STAT4: variants seen among roughly 807,000 people sequenced by gnomAD.
STAT4 encodes the protein signal transducer and activator of transcription 4.
A neutral mutation model predicts 110.5 loss-of-function variants in STAT4; 42 were observed. The observed-to-expected ratio is 0.38, with a 90% CI of 0.30 to 0.49. The LOEUF is 0.49. Among genes scored for constraint, STAT4 ranks in the 20% least tolerant of loss-of-function variants. The pLI is 0.95. For missense variants in STAT4, 632 were observed against 887.9 expected, an observed-to-expected ratio of 0.71 and a Z score of 3.66; for synonymous variants, 284 against 302.2, an observed-to-expected ratio of 0.94 and a Z score of 0.63.
intron 3 of STAT4, among the ~76,000 whole-genome samples, chr2:191,088,126 CAT>C (rs1358771550): frequency 6.6e-6 from 1 of 152,250 alleles, no homozygotes; most frequent in Non-Finnish European, 1.5e-5. Context: ...GAATTGTCCA[CAT>C]GTGTCCATAG....
At chr2:191,121,793 G>A (rs75472630) in intron 3 of STAT4, among the ~76,000 whole-genome samples, 1 of 130,878 alleles carries the variant, frequency 7.6e-6, no homozygotes, top group East Asian at 2.7e-4. Flanking sequence ...AAGGGGGAGG[G>A]GGGAGGGAAA....
At chr2:191,044,728 T>G (rs539632188) in intron 14 of STAT4, among the ~76,000 whole-genome samples, 1 of 152,080 alleles carries the variant, frequency 6.6e-6, no homozygotes, top group Non-Finnish European at 1.5e-5. Flanking sequence ...AGCCAGAAGA[T>G]AGAGTGCTCC....
chr2:191,117,610 A>C lies in STAT4; in HGVS notation c.273+29003T>G, dbSNP rs73982617. Among the ~76,000 whole-genome samples, 590 of 152,276 alleles carry C rather than the reference A, an allele frequency of 3.9e-3. 1 individual carries two copies. Among genetic ancestry groups the C allele is most frequent in the African/African-American group, 0.013 (552 of 41,560 alleles). On this transcript the variant is annotated intron_variant, in intron 3 of 23. Coordinates refer to ENST00000392320, the MANE Select transcript of STAT4 (RefSeq NM_003151.4). The surrounding 1 kb of genome is among the most constrained non-coding windows in gnomAD (Gnocchi z 5.2). ...ATGTGGATTTTAATGACACATAGAG[A>C]AGGACATGGGCTGCAACTTGAAGGA...
chr2:191,148,508 C>T (rs1351893404), intron 1 of STAT4, among the ~76,000 whole-genome samples: 2 of 152,132 alleles, frequency 1.3e-5, no homozygotes, highest in African/African-American at 4.8e-5. Flanking sequence ...ATGTGAATTT[C>T]TATTATCAAC....
rs951377880 is a variant in STAT4, at chr2:191,144,149, A to T, written c.273+2464T>A. 2.0e-5 allele frequency among the ~76,000 whole-genome samples: 3 copies of T among 152,208 alleles called. No individual in the cohort carries two copies. Among genetic ancestry groups the T allele is most frequent in the Non-Finnish European group, 4.4e-5 (3 of 68,042 alleles). ...GTACTGAGGGTGAGGGAGGGGGGTCAGAAAAGGAGATCAGCCTTTTACCCT... is the reference window on the plus strand; with the variant it reads ...GTACTGAGGGTGAGGGAGGGGGGTCTGAAAAGGAGATCAGCCTTTTACCCT... On this transcript the variant is annotated intron_variant, in intron 3 of 23. Transcript: ENST00000392320. This position sits in a 1 kb window ranked among gnomAD's most constrained non-coding sequence, Gnocchi z 4.7.
At chr2:191,098,830 G>C (rs1358436113) in intron 3 of STAT4, among the ~76,000 whole-genome samples, 1 of 152,006 alleles carries the variant, frequency 6.6e-6, no homozygotes, top group Non-Finnish European at 1.5e-5. Context: ...TTTAAGCCAG[G>C]ATAGAATCCC....
Position 191,030,001 on chromosome 2 carries a change from A to T in STAT4, c.2221-135T>A. On this transcript the variant is annotated intron_variant, in intron 23 of 23. Transcript: ENST00000392320. The surrounding 1 kb of genome is among the most constrained non-coding windows in gnomAD (Gnocchi z 4.4). ...TCTATTACCTAGTTAAAATACTTAA[A>T]CTAAGTATTTGCAAAAGTAATTGGG... 4.2e-6 allele frequency: 3 copies of T among 706,764 alleles called. No individual in the cohort carries two copies. Among genetic ancestry groups the T allele is most frequent in the Non-Finnish European group, 7.1e-6 (3 of 420,692 alleles). The allele number at this position is 706,764 out of a possible 1,614,324, so 43.8% of individuals were successfully genotyped here. A position where few individuals can be genotyped will look rare whatever the true frequency, so the allele number is the denominator to read the frequency against.
chr2:191,034,249 C>G (rs1464023211), intron 18 of STAT4, among the ~76,000 whole-genome samples: 1 of 151,888 alleles, frequency 6.6e-6, no homozygotes, highest in South Asian at 2.1e-4. Flanking sequence ...GGTGAAACCC[C>G]ACCTCTACTA....
intron 3 of STAT4, among the ~76,000 whole-genome samples, chr2:191,111,687 T>C (rs1698428045): frequency 6.6e-6 from 1 of 152,118 alleles, no homozygotes; most frequent in Non-Finnish European, 1.5e-5. Context: ...ACCCTATCTC[T>C]ATGAAAATTA....
Position 191,143,435 on chromosome 2 carries a change from G to A in STAT4, c.273+3178C>T, listed in dbSNP as rs1414171174. On this transcript the variant is annotated intron_variant, in intron 3 of 23. Coordinates refer to ENST00000392320, the MANE Select transcript of STAT4 (RefSeq NM_003151.4). The surrounding 1 kb of genome is among the most constrained non-coding windows in gnomAD (Gnocchi z 5.6). ...TCAAGTAACCCTTGCTCCTGGGTGT[G>A]AGTCTGCCTCCCCTTAAATAGGCCA... Among the ~76,000 whole-genome samples the A allele has an allele frequency of 6.6e-6, 1 of 152,124 alleles. No individual in the cohort carries two copies. The highest frequency in any genetic ancestry group is 1.5e-5 in the Non-Finnish European group (1 of 68,030).
chr2:191,063,061 G>T (rs1480344582), intron 8 of STAT4, 141 bp from the exon 9 acceptor site: 7 of 727,820 alleles, frequency 9.6e-6, no homozygotes, highest in Non-Finnish European at 1.2e-5. Flanking sequence ...ATTTGATTTA[G>T]GTTAGAGACA....
At chr2:191,094,824 G>C (rs1279352329) in intron 3 of STAT4, among the ~76,000 whole-genome samples, 1 of 149,120 alleles carries the variant, frequency 6.7e-6, no homozygotes, top group Non-Finnish European at 1.5e-5. Context: ...AGACCCATCA[G>C]TGTGCTATAT....
rs1340182642 is a variant in STAT4, at chr2:191,107,624, AC to A, written c.274-31300del. Among the ~76,000 whole-genome samples the A allele has an allele frequency of 6.6e-6, 1 of 152,154 alleles. No individual in the cohort carries two copies. Among genetic ancestry groups the A allele is most frequent in the Non-Finnish European group, 1.5e-5 (1 of 68,028 alleles). Reference sequence around the variant, plus strand: ...ATGTACAGTTAAACATTATGCTATTACCCTTAAATTCTGTGTCCATCTTTTG... The same window carrying A: ...ATGTACAGTTAAACATTATGCTATTACCTTAAATTCTGTGTCCATCTTTTG... On this transcript the variant is annotated intron_variant, in intron 3 of 23. Coordinates refer to ENST00000392320, the MANE Select transcript of STAT4 (RefSeq NM_003151.4). The surrounding 1 kb of genome is among the most constrained non-coding windows in gnomAD (Gnocchi z 4.2).
At position 191,032,836 on chromosome 2, in the gene STAT4, C is replaced by T; in HGVS notation, c.2044+122G>A. ...TTTCTAAGGCTTTGACCTCCACATGCCCTTAGATCTTACAGAAATCAGAGT... is the reference window on the plus strand; with the variant it reads ...TTTCTAAGGCTTTGACCTCCACATGTCCTTAGATCTTACAGAAATCAGAGT... On this transcript the variant is annotated intron_variant, in intron 21 of 23. Transcript: ENST00000392320. The surrounding 1 kb of genome is among the most constrained non-coding windows in gnomAD (Gnocchi z 4.9). The T allele has an allele frequency of 9.7e-7, 1 of 1,035,018 alleles. No homozygotes were observed. Among genetic ancestry groups the T allele is most frequent in the Non-Finnish European group, 1.4e-6 (1 of 718,572 alleles). The allele number at this position is 1,035,018 out of a possible 1,614,324, so 64.1% of individuals were successfully genotyped here. A position where few individuals can be genotyped will look rare whatever the true frequency, so the allele number is the denominator to read the frequency against.
At chr2:191,136,024 C>CAAAAAAAAAAAAAAAAAAAAAA (rs1699173501) in intron 3 of STAT4, among the ~76,000 whole-genome samples, 1 of 43,722 alleles carries the variant, frequency 2.3e-5, no homozygotes, top group African/African-American at 6.4e-5. Flanking sequence ...AAAAAAAAAC[C>CAAAAAAAAAAAAAAAAAAAAAA]AAAAAACAAA....
At chr2:191,132,228 C>T (rs1051249821) in intron 3 of STAT4, among the ~76,000 whole-genome samples, 2 of 151,722 alleles carry the variant, frequency 1.3e-5, no homozygotes, top group East Asian at 3.8e-4. Context: ...ATAGCTTCAA[C>T]ATCACTCCTA....
intron 3 of STAT4, among the ~76,000 whole-genome samples, chr2:191,098,106 G>C (rs1355940895): frequency 3.3e-5 from 5 of 152,156 alleles, no homozygotes; most frequent in African/African-American, 1.2e-4. Context: ...TAAAAAGTCA[G>C]GAAACAACAG....
In STAT4 at chr2:191,083,333, A is replaced by G. The variant is rs1438959478; in HGVS notation, c.274-7008T>C. ...GAATATGTGACAGAGTTATCTACTC[A>G]AGGACTTTGGGAACTGGAGTATTTT... On this transcript the variant is annotated intron_variant, in intron 3 of 23. Transcript: ENST00000392320. This position sits in a 1 kb window ranked among gnomAD's most constrained non-coding sequence, Gnocchi z 4.6. 1.3e-5 allele frequency among the ~76,000 whole-genome samples: 2 copies of G among 152,208 alleles called. No homozygotes were observed. Among genetic ancestry groups the G allele is most frequent in the South Asian group, 2.1e-4 (1 of 4,832 alleles).
chr2:191,066,638 T>C lies in STAT4; in HGVS notation c.545-123A>G, dbSNP rs1390616553. On this transcript the variant is annotated intron_variant, in intron 6 of 23. Coordinates refer to ENST00000392320, the MANE Select transcript of STAT4 (RefSeq NM_003151.4). The surrounding 1 kb of genome is among the most constrained non-coding windows in gnomAD (Gnocchi z 4.3). Reference sequence around the variant, plus strand: ...TTATGTGGTAAGAGACTAATTGGGTTCACTAGAGGTGAGCTTGGAAGTCTG... The same window carrying C: ...TTATGTGGTAAGAGACTAATTGGGTCCACTAGAGGTGAGCTTGGAAGTCTG... 1.3e-6 allele frequency: 1 copy of C among 749,158 alleles called. No individual in the cohort carries two copies. The highest frequency in any genetic ancestry group is 2.2e-6 in the Non-Finnish European group (1 of 461,576). 46.4% of individuals were successfully genotyped at this position (749,158 alleles called of 1,614,324 possible).
Sources: allele counts gnomAD v4.1 joint callset (sites outside exome capture counted in the v4.1 genomes callset), GRCh38; gene constraint gnomAD v4.1.1; non-coding constraint Gnocchi (gnomAD v3.1); transcripts MANE v1.5; gene names NCBI Gene and HGNC (gene_info 2026-07-23, HGNC 2026-07-21).